The following GRM7 variants were observed in gnomAD, a reference collection of about 807,000 sequenced individuals.
The protein encoded by GRM7 is glutamate metabotropic receptor 7, also known as metabotropic glutamate receptor 7.
A neutral mutation model predicts 84.5 loss-of-function variants in GRM7; 35 were observed. The observed-to-expected ratio is 0.41, with a 90% CI of 0.32 to 0.55. GRM7 has a LOEUF of 0.55. Among genes scored for constraint, GRM7 ranks in the 20% least tolerant of loss-of-function variants. GRM7 has a pLI of 0.19. For missense variants in GRM7, 1,003 were observed against 1,194.6 expected, an observed-to-expected ratio of 0.84 and a Z score of 2.36; for synonymous variants, 487 against 455.1, an observed-to-expected ratio of 1.07 and a Z score of -0.89.
intron 2 of GRM7, among the ~76,000 whole-genome samples, chr3:7,208,895 C>T (rs1334193124): frequency 6.6e-6 from 1 of 152,120 alleles, no homozygotes; most frequent in African/African-American, 2.4e-5. Context: ...TCAGCAAGAG[C>T]ATAGTTGAAT....
chr3:7,009,734 C>T (rs146267891), intron 1 of GRM7, among the ~76,000 whole-genome samples: 1 of 152,248 alleles, frequency 6.6e-6, no homozygotes, highest in Admixed American at 6.5e-5. Flanking sequence ...GTAGCTGTCA[C>T]CTTTCAGATG....
chr3:7,249,589 A>G (rs1432593395), intron 2 of GRM7, among the ~76,000 whole-genome samples: 1 of 152,208 alleles, frequency 6.6e-6, no homozygotes, highest in Non-Finnish European at 1.5e-5. Flanking sequence ...ACAAAATTGG[A>G]TGTAGAAGTA....
chr3:7,165,425 T>C (rs1382940762), intron 2 of GRM7, among the ~76,000 whole-genome samples: 1 of 152,252 alleles, frequency 6.6e-6, no homozygotes, highest in Non-Finnish European at 1.5e-5. Flanking sequence ...CTGGTGTCTA[T>C]TCACTTTACT....
At chr3:7,664,887 T>C (rs1397662908) in intron 8 of GRM7, among the ~76,000 whole-genome samples, 1 of 149,770 alleles carries the variant, frequency 6.7e-6, no homozygotes. Context: ...GATCTCAAAT[T>C]AGTAAATTTC....
At chr3:7,311,545 A>T (rs1184109626) in intron 4 of GRM7, among the ~76,000 whole-genome samples, 1 of 150,844 alleles carries the variant, frequency 6.6e-6, no homozygotes, top group African/African-American at 2.5e-5. Context: ...TCCTCCCTGT[A>T]TTGTTCTGCA....
chr3:6,940,472 A>G (rs1232716217), intron 1 of GRM7, among the ~76,000 whole-genome samples: 4 of 152,200 alleles, frequency 2.6e-5, no homozygotes, highest in Admixed American at 6.5e-5. Context: ...ACTCACACCT[A>G]TAATTCTGGT....
intron 5 of GRM7, among the ~76,000 whole-genome samples, chr3:7,440,532 T>G (rs574392757): frequency 2.6e-5 from 4 of 152,228 alleles, no homozygotes; most frequent in African/African-American, 9.6e-5. Context: ...GTTTCAAGAG[T>G]ACATATGCAG....
chr3:6,905,442 C>A (rs1333484863), intron 1 of GRM7, among the ~76,000 whole-genome samples: 1 of 152,066 alleles, frequency 6.6e-6, no homozygotes, highest in Non-Finnish European at 1.5e-5. Flanking sequence ...TTTTGTCTAG[C>A]CACCATGTTA....
chr3:7,219,103 C>T (rs1223452017), intron 2 of GRM7, among the ~76,000 whole-genome samples: 1 of 152,070 alleles, frequency 6.6e-6, no homozygotes, highest in Non-Finnish European at 1.5e-5. Flanking sequence ...CCCATTTAGT[C>T]GTTAACTCCT....
chr3:6,905,362 C>T (rs902332902), intron 1 of GRM7, among the ~76,000 whole-genome samples: 3 of 152,064 alleles, frequency 2.0e-5, no homozygotes, highest in African/African-American at 4.8e-5. Flanking sequence ...GTTGATATTA[C>T]AAGTGTATCT....
At chr3:6,880,225 C>A (rs1559302497) in intron 1 of GRM7, among the ~76,000 whole-genome samples, 1 of 152,144 alleles carries the variant, frequency 6.6e-6, no homozygotes, top group South Asian at 2.1e-4. Context: ...CAAAGAACCC[C>A]AAATTCTACT....
chr3:7,631,675 C>T (rs1423161256), intron 8 of GRM7, among the ~76,000 whole-genome samples: 3 of 152,094 alleles, frequency 2.0e-5, no homozygotes, highest in African/African-American at 7.2e-5. Context: ...CCATCCTGTG[C>T]ATTGTAGGAT....
intron 7 of GRM7, among the ~76,000 whole-genome samples, chr3:7,552,736 C>A (rs1202669839): frequency 2.6e-5 from 4 of 152,216 alleles, no homozygotes; most frequent in Non-Finnish European, 5.9e-5. Context: ...AGTCCTGAGA[C>A]TGTGCAAAGC....
chr3:6,969,125 A>T (rs1321392209), intron 1 of GRM7, among the ~76,000 whole-genome samples: 1 of 152,040 alleles, frequency 6.6e-6, no homozygotes, highest in African/African-American at 2.4e-5. Context: ...TAATTTAAAA[A>T]CTACCAGCAC....
intron 2 of GRM7, among the ~76,000 whole-genome samples, chr3:7,276,948 G>C (rs1447112470): frequency 1.3e-5 from 2 of 152,078 alleles, no homozygotes; most frequent in East Asian, 1.9e-4. Context: ...TTCCACCTTA[G>C]AGTCAGATAC....
At chr3:7,114,762 G>T (rs1406567891) in intron 1 of GRM7, among the ~76,000 whole-genome samples, 2 of 152,144 alleles carry the variant, frequency 1.3e-5, no homozygotes, top group Non-Finnish European at 2.9e-5. Flanking sequence ...GTATAACATA[G>T]CAGGTCTGGG....
intron 6 of GRM7, among the ~76,000 whole-genome samples, chr3:7,455,218 C>A (rs1697954977): frequency 6.6e-6 from 1 of 152,002 alleles, no homozygotes; most frequent in African/African-American, 2.4e-5. Context: ...GAATAGGCAG[C>A]ATGATGGAAT....
chr3:7,467,199 T>A (rs935362860), intron 7 of GRM7, among the ~76,000 whole-genome samples: 14 of 152,256 alleles, frequency 9.2e-5, no homozygotes, highest in Admixed American at 8.5e-4. Context: ...ACGACTCTCA[T>A]GCCTCAGCCT....
At chr3:7,179,790 A>G (rs960537511) in intron 2 of GRM7, among the ~76,000 whole-genome samples, 1 of 152,218 alleles carries the variant, frequency 6.6e-6, no homozygotes, top group Non-Finnish European at 1.5e-5. Context: ...AGGGAGAGCA[A>G]TCTGGCCAGG....
Sources: gnomAD v4.1 joint callset for allele counts (sites outside exome capture counted in the v4.1 genomes callset) on GRCh38, gnomAD v4.1.1 for gene constraint, MANE v1.5 for transcripts, NCBI Gene and HGNC (gene_info 2026-07-23, HGNC 2026-07-21) for gene names.